The following NFXL1 variants were observed in gnomAD, a reference collection of about 807,000 sequenced individuals.
NFXL1 encodes the protein nuclear transcription factor, X-box binding like 1, also known as NF-X1-type zinc finger protein NFXL1.
NFXL1 carries 66 observed loss-of-function variants against 123.3 expected under a neutral mutation model. That is an observed-to-expected ratio of 0.54 (90% CI 0.44 to 0.66). NFXL1 has a LOEUF of 0.66. Among genes scored for constraint, NFXL1 ranks in the 30% least tolerant of loss-of-function variants. NFXL1 has a pLI of 0.00. For synonymous variants in NFXL1, 346 were observed against 360.8 expected, an observed-to-expected ratio of 0.96 and a Z score of 0.46; for missense variants, 944 against 1,125.6, an observed-to-expected ratio of 0.84 and a Z score of 2.31.
Position 47,905,276 on chromosome 4 carries a change from T to G in NFXL1, c.477A>C (p.Thr159=). The change falls in exon 4 of 23, where the codon ACA becomes ACC. Residue 159 remains threonine, a synonymous_variant. Coordinates refer to ENST00000507489, the MANE Select transcript of NFXL1 (RefSeq NM_001278624.2). ...VNEAFQAGAM[T]CLICIASVKR... ...TCACCGAAGCAATACAAATTAGGCA[T>G]GTCATAGCCCCTGCTTGAAAAGCTT... 1 of 1,595,296 alleles carries G rather than the reference T, an allele frequency of 6.3e-7. No homozygotes were observed. The highest frequency in any genetic ancestry group is 8.6e-7 in the Non-Finnish European group (1 of 1,164,802).
intron 19 of NFXL1, among the ~76,000 whole-genome samples, 193 bp from the exon 20 acceptor site, chr4:47,855,356 A>T (rs573086460): frequency 6.7e-6 from 1 of 149,422 alleles, no homozygotes; most frequent in Non-Finnish European, 1.5e-5. Context: ...TTAATTATAT[A>T]TATATAATTT....
At chr4:47,879,662 C>A (rs550775128) in intron 15 of NFXL1, among the ~76,000 whole-genome samples, 126 of 152,244 alleles carry the variant, frequency 8.3e-4, no homozygotes, top group African/African-American at 2.9e-3. Flanking sequence ...CACCACCCAA[C>A]TTCAAGAATT....
At chr4:47,897,878 C>T (rs1470512279) in intron 9 of NFXL1, 89 bp downstream of exon 9, 10 of 773,116 alleles carry the variant, frequency 1.3e-5, no homozygotes, top group Admixed American at 3.2e-5. Flanking sequence ...GTAATATGCA[C>T]TTAAGTTTCC....
chr4:47,861,184 C>A (rs1193166736), intron 19 of NFXL1, among the ~76,000 whole-genome samples: 1 of 152,044 alleles, frequency 6.6e-6, no homozygotes, highest in East Asian at 1.9e-4. Context: ...TTTAACAAAC[C>A]CTTAAAGTGA....
intron 18 of NFXL1, among the ~76,000 whole-genome samples, chr4:47,871,208 C>G (rs369322501): frequency 6.6e-6 from 1 of 152,098 alleles, no homozygotes; most frequent in Non-Finnish European, 1.5e-5. Flanking sequence ...AAAAAATTAG[C>G]TGGGCGTGGT....
chr4:47,872,526 T>C (rs1735512255), intron 18 of NFXL1, among the ~76,000 whole-genome samples: 1 of 151,790 alleles, frequency 6.6e-6, no homozygotes, highest in Admixed American at 6.6e-5. Flanking sequence ...CTCAGAGATA[T>C]TGCAGGTTCA....
rs765216223 is a variant in NFXL1, at chr4:47,898,061, T to C, written c.1110A>G (p.Pro370=). The C allele has an allele frequency of 2.7e-5, 44 of 1,605,354 alleles. No homozygotes were observed. The highest frequency in any genetic ancestry group is 3.7e-5 in the Non-Finnish European group (44 of 1,176,982). The change falls in exon 9 of 23, where the codon CCA becomes CCG. Residue 370 remains proline (P), a synonymous_variant. Coordinates refer to ENST00000507489, the MANE Select transcript of NFXL1 (RefSeq NM_001278624.2). The part of the protein sequence containing the change: ...HCDQVCGKTL[P]CGNHTCEQVC... ...CTTGCTCACATGTGTGATTACCACA[T>C]GGCAGTGTTTTTCCACATACCTAAA... is the stretch of plus-strand genomic sequence containing the variant.
At chr4:47,852,259 T>C (rs1055379463) in intron 20 of NFXL1, 3 of 256,152 alleles carry the variant, frequency 1.2e-5, no homozygotes, top group South Asian at 1.0e-4. Flanking sequence ...TCTTGCAAAG[T>C]GTCCAGGGAA....
At chr4:47,854,131 TA>T (rs1482108810) in intron 20 of NFXL1, among the ~76,000 whole-genome samples, 2 of 152,068 alleles carry the variant, frequency 1.3e-5, no homozygotes, top group Non-Finnish European at 2.9e-5. Flanking sequence ...GCCAAGTGTA[TA>T]AATTTAAATT....
In NFXL1 at chr4:47,847,920, T is replaced by C. The variant is rs1266943814; in HGVS notation, c.*243A>G. The stretch of plus-strand genomic sequence containing the variant: ...GAACAAAAACACGTTACTCTGCCTC[T>C]AGCTAAGCCTTATGAAATATTTTAG... On this transcript the variant is annotated 3_prime_UTR_variant, in exon 23 of 23. Transcript: ENST00000507489. The C allele has an allele frequency of 1.3e-5, 4 of 304,892 alleles. No homozygotes were observed. The highest frequency in any genetic ancestry group is 4.3e-5 in the African/African-American group (2 of 46,456). The allele number at this position is 304,892 out of a possible 1,614,324, so 18.9% of individuals were successfully genotyped here.
intron 3 of NFXL1, 22 bp from the exon 4 acceptor site, chr4:47,905,368 A>C: frequency 8.5e-7 from 1 of 1,180,720 alleles, no homozygotes; most frequent in South Asian, 1.3e-5. Context: ...AAGATTGAAA[A>C]TCTCACCCTA....
chr4:47,899,060 G>A lies in NFXL1; in HGVS notation c.887C>T (p.Pro296Leu), dbSNP rs747462215. ...TTTCYCKKAK[P>L]IPRRCSAKEW... is the part of the protein sequence containing the mutation. The stretch of plus-strand genomic sequence containing the variant: ...CTTGGCACTGCACCTACGAGGGATA[G>A]GTTTTGCTTTCTTACAGTAACAAGT... The change falls in exon 7 of 23, where the codon CCT becomes CTT. Residue 296 changes from proline (P) to leucine (L), a missense_variant. Coordinates refer to ENST00000507489, the MANE Select transcript of NFXL1 (RefSeq NM_001278624.2). 3.7e-6 allele frequency: 6 copies of A among 1,611,292 alleles called. No homozygotes were observed. In the East Asian group the frequency reaches 9.0e-5, roughly 24 times the overall value.
At chr4:47,904,251 ACTCG>A (rs1005345207) in intron 4 of NFXL1, among the ~76,000 whole-genome samples, 1 of 152,080 alleles carries the variant, frequency 6.6e-6, no homozygotes, top group African/African-American at 2.4e-5. Flanking sequence ...GCCCAGCCCC[ACTCG>A]CTAATGGAAA....
intron 19 of NFXL1, 139 bp from the exon 20 acceptor site, chr4:47,855,302 A>G: frequency 2.9e-6 from 1 of 349,292 alleles, no homozygotes; most frequent in Non-Finnish European, 5.4e-6. Context: ...TTTGTAAACT[A>G]TTTTTCTTTT....
rs370949417 is a variant in NFXL1, at chr4:47,898,845, G to A, written c.1001C>T (p.Pro334Leu). 1.2e-6 allele frequency: 2 copies of A among 1,613,414 alleles called. No individual in the cohort carries two copies. The highest frequency in any genetic ancestry group is 1.7e-6 in the Non-Finnish European group (2 of 1,179,538). Residue 334 changes from proline to leucine, a missense_variant, in exon 8 of 23, where the codon CCT becomes CTT. By Grantham distance (98) the Pro-to-Leu change is moderately conservative (BLOSUM62 -3). Transcript: ENST00000507489. ...ENPCHAGSCQ[P>L]CPRVSRQKCV... is the part of the protein sequence containing the mutation. ...CTTTTGTCTACTAACTCTTGGACAA[G>A]GCTGACAGCTTCCTAAAACCAGAAT...
intron 18 of NFXL1, among the ~76,000 whole-genome samples, chr4:47,865,008 C>G (rs1433634833): frequency 6.6e-6 from 1 of 152,092 alleles, no homozygotes; most frequent in Non-Finnish European, 1.5e-5. Context: ...GGACTAAGCC[C>G]TCAACCTACA....
intron 18 of NFXL1, among the ~76,000 whole-genome samples, chr4:47,864,567 C>T (rs992248482): frequency 3.3e-5 from 5 of 152,038 alleles, no homozygotes; most frequent in Admixed American, 6.6e-5. Context: ...TTTCCCTACT[C>T]GGTCTATAAT....
chr4:47,862,777 A>G (rs989372138), intron 19 of NFXL1, 69 bp downstream of exon 19: 9 of 901,824 alleles, frequency 1.0e-5, no homozygotes, highest in South Asian at 1.5e-5. Flanking sequence ...TTGACCAAAC[A>G]AGAAAAAAGA....
chr4:47,908,822 G>A (rs1413925367), intron 3 of NFXL1, among the ~76,000 whole-genome samples: 3 of 151,860 alleles, frequency 2.0e-5, no homozygotes, highest in Non-Finnish European at 4.4e-5. Flanking sequence ...GGGCATGGTG[G>A]CGGGCACCTG....
Sources: gnomAD v4.1 joint callset for allele counts (sites outside exome capture counted in the v4.1 genomes callset) on GRCh38, gnomAD v4.1.1 for gene constraint, MANE v1.5 for transcripts, NCBI Gene and HGNC (gene_info 2026-07-23, HGNC 2026-07-21) for gene names.